PTGER4: variants seen among roughly 807,000 people sequenced by gnomAD.
PTGER4 encodes prostaglandin E receptor 4, also known as prostaglandin E2 receptor EP4 subtype.
Under a neutral mutation model 33.2 loss-of-function variants are expected in PTGER4, and 11 were observed. The observed-to-expected ratio is 0.33, with a 90% CI of 0.21 to 0.55. The LOEUF is 0.55. Ranked by LOEUF, PTGER4 falls within the 20% of genes least tolerant of loss-of-function variation. The pLI, the probability that PTGER4 is intolerant of heterozygous loss-of-function variation, is 0.92. For synonymous variants in PTGER4, 275 were observed against 281.5 expected, an observed-to-expected ratio of 0.98 and a Z score of 0.23; for missense variants, 481 against 650.2, an observed-to-expected ratio of 0.74 and a Z score of 2.83.
the PTGER4 span, among the ~76,000 whole-genome samples, chr5:40,734,569 T>C: frequency 1.3e-5 from 2 of 152,216 alleles, no homozygotes; most frequent in South Asian, 2.1e-4. Context: ...TCAAGCTAAA[T>C]AAGTTAGATA....
the PTGER4 span, chr5:40,716,120 T>C: frequency 7.8e-6 from 12 of 1,530,856 alleles, no homozygotes; most frequent in South Asian, 1.6e-4. Context: ...AAAAGACAGA[T>C]TCAAATAATC....
the PTGER4 span, chr5:40,716,369 C>T: frequency 1.9e-6 from 3 of 1,614,032 alleles, no homozygotes; most frequent in African/African-American, 2.7e-5. Flanking sequence ...TCAGCTGGTG[C>T]TTCACTTTTT....
chr5:40,728,391 C>T, the PTGER4 span: 1 of 1,613,536 alleles, frequency 6.2e-7, no homozygotes, highest in Non-Finnish European at 8.5e-7. Context: ...CAAAGTCTGC[C>T]AAGACTCCCA....
the PTGER4 span, among the ~76,000 whole-genome samples, chr5:40,733,754 C>T: frequency 2.9e-3 from 448 of 152,276 alleles, 3 homozygotes; most frequent in African/African-American, 0.01. Context: ...GATGGCTTAT[C>T]CCGTCCCCAA....
At chr5:40,728,651 C>T in the PTGER4 span, among the ~76,000 whole-genome samples, 1 of 152,074 alleles carries the variant, frequency 6.6e-6, no homozygotes, top group Non-Finnish European at 1.5e-5. Flanking sequence ...TCTTTTCACC[C>T]CTTATATAAC....
chr5:40,746,770 C>T, the PTGER4 span: 1 of 1,540,816 alleles, frequency 6.5e-7, no homozygotes, highest in Admixed American at 1.9e-5. Context: ...AAGCTCTTCT[C>T]CATAAAAAAA....
chr5:40,689,933 T>C (rs1255197494), intron 2 of PTGER4, among the ~76,000 whole-genome samples: 1 of 152,200 alleles, frequency 6.6e-6, no homozygotes, highest in Admixed American at 6.6e-5. Context: ...TCTATTTCTA[T>C]GTGAATTACC....
chr5:40,704,893 T>C, the PTGER4 span, among the ~76,000 whole-genome samples: 7 of 152,174 alleles, frequency 4.6e-5, no homozygotes, highest in African/African-American at 1.7e-4. Context: ...AAAATGGCTA[T>C]ACTACCCAAA....
chr5:40,703,462 C>A, the PTGER4 span, among the ~76,000 whole-genome samples: 1 of 152,112 alleles, frequency 6.6e-6, no homozygotes, highest in Admixed American at 6.5e-5. Context: ...ATTCCCTGAA[C>A]AGACCAATAA....
chr5:40,693,947 G>A (rs1741531737), downstream of PTGER4, among the ~76,000 whole-genome samples: 1 of 152,162 alleles, frequency 6.6e-6, no homozygotes, highest in African/African-American at 2.4e-5. Flanking sequence ...GGAGGAGACA[G>A]TATTATGCTT....
chr5:40,684,123 C>A (rs1219660969), intron 2 of PTGER4, among the ~76,000 whole-genome samples: 1 of 42,718 alleles, frequency 2.3e-5, no homozygotes, highest in African/African-American at 9.5e-5. Context: ...GCCACCCACC[C>A]ACCCCCCCCC....
chr5:40,697,072 AG>A (rs1741599776), downstream of PTGER4, among the ~76,000 whole-genome samples: 1 of 77,758 alleles, frequency 1.3e-5, no homozygotes, highest in Admixed American at 1.2e-4. Flanking sequence ...AAAGAAAGAA[AG>A]GAAGGAAGGA....
chr5:40,700,190 A>T, the PTGER4 span, among the ~76,000 whole-genome samples: 1 of 152,262 alleles, frequency 6.6e-6, no homozygotes, highest in Non-Finnish European at 1.5e-5. Flanking sequence ...ACTCCTTATA[A>T]TTGCATCAAA....
the PTGER4 span, among the ~76,000 whole-genome samples, chr5:40,743,202 A>G: frequency 6.6e-6 from 1 of 152,356 alleles, no homozygotes; most frequent in South Asian, 2.1e-4. Flanking sequence ...GTAATCAGAG[A>G]GCAGACTGCT....
At chr5:40,699,916 T>C in the PTGER4 span, among the ~76,000 whole-genome samples, 1 of 141,624 alleles carries the variant, frequency 7.1e-6, no homozygotes. Flanking sequence ...AAAGAATGTT[T>C]ATTCTCACAG....
chr5:40,693,822 T>C (rs1206428970), downstream of PTGER4: 1 of 676,720 alleles, frequency 1.5e-6, no homozygotes, highest in African/African-American at 2.0e-5. Flanking sequence ...TATATATTTT[T>C]TTAAAATTTA....
the PTGER4 span, chr5:40,716,512 T>A: frequency 6.4e-7 from 1 of 1,554,476 alleles, no homozygotes; most frequent in Non-Finnish European, 8.7e-7. Flanking sequence ...GAAAATAAGG[T>A]CAGAGTTTTT....
intron 2 of PTGER4, among the ~76,000 whole-genome samples, chr5:40,682,910 C>G (rs1465792788): frequency 6.6e-6 from 1 of 152,150 alleles, no homozygotes; most frequent in Non-Finnish European, 1.5e-5. Flanking sequence ...TAAGAATTGC[C>G]TTTGGATTAA....
the PTGER4 span, among the ~76,000 whole-genome samples, chr5:40,709,684 T>C: frequency 6.6e-6 from 1 of 152,160 alleles, no homozygotes; most frequent in Non-Finnish European, 1.5e-5. Context: ...AAAAAACTAC[T>C]TTAAAGTTCA....
Sources: allele counts gnomAD v4.1 joint callset (sites outside exome capture counted in the v4.1 genomes callset), GRCh38; gene constraint gnomAD v4.1.1; transcripts MANE v1.5; gene names NCBI Gene and HGNC (gene_info 2026-07-23, HGNC 2026-07-21).